Variants in SPTBN5 observed in about 807,000 individuals in gnomAD.
SPTBN5 encodes spectrin beta chain, non-erythrocytic 5.
A neutral mutation model predicts 477.6 loss-of-function variants in SPTBN5; 513 were observed. The observed-to-expected ratio is 1.07, with a 90% CI of 1.00 to 1.16. SPTBN5 has a LOEUF of 1.16. Among genes scored for constraint, SPTBN5 ranks in the 50% most tolerant of loss-of-function variants. The probability of loss-of-function intolerance (pLI) is 0.00; values close to 1 mark genes in which losing one functional copy is unlikely to be tolerated. For synonymous variants in SPTBN5, 2,169 were observed against 2,011.7 expected (o/e 1.08, Z -2.09); for missense variants, 5,062 against 4,731.8 (o/e 1.07, Z -2.05).
intron 41 of SPTBN5, 55 bp from the exon 42 acceptor site, chr15:41,862,958 C>T: frequency 6.7e-7 from 1 of 1,502,754 alleles, no homozygotes; most frequent in Non-Finnish European, 9.0e-7. Flanking sequence ...GCTCCTCCTT[C>T]CTGGCAAAGG....
rs886835041 is a variant in SPTBN5 at position 41,857,287 on chromosome 15, G to A, written c.8572C>T (p.His2858Tyr). The A allele has an allele frequency of 6.4e-7, 1 of 1,573,970 alleles. No homozygotes were observed. The highest frequency in any genetic ancestry group is 8.6e-7 in the Non-Finnish European group (1 of 1,160,186). Residue 2858 changes from histidine to tyrosine, a missense_variant, in exon 51 of 68, where the codon CAC becomes TAC. Transcript: ENST00000320955. ...TCTTCCACATCTTGGGCAAGGCAGT[G>A]GCCTTCCCTCACAAAGGCCTGGGCC... Reference protein sequence around the residue: ...GQAQAFVREGHCLAQDVEEQA... With the variant: ...GQAQAFVREGYCLAQDVEEQA...
intron 3 of SPTBN5, 135 bp downstream of exon 3, chr15:41,892,759 G>T: frequency 9.8e-7 from 1 of 1,020,680 alleles, no homozygotes; most frequent in Non-Finnish European, 1.4e-6. Flanking sequence ...CTGTGTCCCA[G>T]CCACTCCTCC....
At chr15:41,865,374 G>C (rs1173098380) in intron 39 of SPTBN5, among the ~76,000 whole-genome samples, 1 of 152,164 alleles carries the variant, frequency 6.6e-6, no homozygotes, top group East Asian at 1.9e-4. Flanking sequence ...AATTGCCAAA[G>C]TCCTGCAGAG....
At position 41,875,005 on chromosome 15, in the gene SPTBN5, T is replaced by C; in HGVS notation, c.4339A>G (p.Thr1447Ala). Residue 1447 changes from threonine (T) to alanine (A), a missense_variant, in exon 23 of 68, where the codon ACA (threonine) becomes GCA (alanine). Coordinates refer to ENST00000320955, the MANE Select transcript of SPTBN5 (RefSeq NM_016642.4). Reference sequence around the variant, plus strand: ...TGGCTGGAGCGCAGGTCCTGCCCTGTTTCCGAGCTCTGTAGGGCCCCTTCG... The same window carrying C: ...TGGCTGGAGCGCAGGTCCTGCCCTGCTTCCGAGCTCTGTAGGGCCCCTTCG... ...QLEGALQSSE[T>A]GQDLRSSQRL... The C allele has an allele frequency of 6.2e-7, 1 of 1,613,688 alleles. No individual in the cohort carries two copies.
At position 41,878,619 on chromosome 15, in the gene SPTBN5, G is replaced by A; in HGVS notation, c.3193C>T (p.Pro1065Ser). The A allele has an allele frequency of 6.2e-7, 1 of 1,610,238 alleles. No individual in the cohort carries two copies. The highest frequency in any genetic ancestry group is 8.5e-7 in the Non-Finnish European group (1 of 1,178,394). ...LQSVVVKVEE[P>S]GYAESQPLQG... ...AGAGGCTGGCTCTCTGCGTAGCCTG[G>A]CTCCTCGACCCTGGGAGACAGGGTG... Residue 1065 changes from proline to serine, a missense_variant, in exon 17 of 68, where the codon CCA becomes TCA. Physicochemically the swap from Pro to Ser is moderately conservative, Grantham distance 74. Transcript: ENST00000320955.
In SPTBN5 at chr15:41,851,060, T is replaced by A. The variant is rs779140053; in HGVS notation, c.10834A>T (p.Arg3612Trp). 1 of 1,611,734 alleles carries A rather than the reference T, an allele frequency of 6.2e-7. No individual in the cohort carries two copies. Among genetic ancestry groups the A allele is most frequent in the East Asian group, 2.2e-5 (1 of 44,848 alleles). Residue 3612 changes from arginine to tryptophan, a missense_variant and splice_region_variant, in exon 65 of 68, where the codon AGG (arginine) becomes TGG (tryptophan). By Grantham distance (101) the Arg-to-Trp change is moderately radical (BLOSUM62 -3). Transcript: ENST00000320955. ...RHGRKHTFSL[R>W]LTSGAEILFA... ...CGGAGTCCATGTCTCTCCGCTCACC[T>A]TAAGGAGAATGTGTGTTTCCTGCCG... is the stretch of plus-strand genomic sequence containing the variant.
intron 4 of SPTBN5, 69 bp from the exon 5 acceptor site, chr15:41,888,154 G>A: frequency 6.8e-7 from 1 of 1,469,288 alleles, no homozygotes. Flanking sequence ...TGCAGGCTGT[G>A]GGAGAGGCAG....
rs377285071 is a variant in SPTBN5, at chr15:41,850,902, A to C, written c.10873T>G (p.Ser3625Ala). 1.7e-5 allele frequency: 27 copies of C among 1,603,914 alleles called. No individual in the cohort carries two copies. In the African/African-American group the frequency reaches 3.6e-4, roughly 21 times the overall value. Residue 3625 changes from serine to alanine, a missense_variant, in exon 66 of 68, where the codon TCC becomes GCC. By Grantham distance (99) the Ser-to-Ala change is moderately conservative. Transcript: ENST00000320955. Reference sequence around the variant, plus strand: ...CACCAGCTCTCAGCCTGCTCTTCGGACGGTGCTGCAAACAGGATCTCTGCC... The same window carrying C: ...CACCAGCTCTCAGCCTGCTCTTCGGCCGGTGCTGCAAACAGGATCTCTGCC... ...SGAEILFAAP[S>A]EEQAESWWRA...
In SPTBN5 at chr15:41,878,721, G is replaced by A; in HGVS notation, c.3183-92C>T. On this transcript the variant is annotated intron_variant, in intron 16 of 67. Transcript: ENST00000320955. ...TCTCTCCAAACCTGCATCCCCCAGGGAGAGTGGTGCTGACTCTCAATGCCC... is the reference window on the plus strand; with the variant it reads ...TCTCTCCAAACCTGCATCCCCCAGGAAGAGTGGTGCTGACTCTCAATGCCC... The A allele has an allele frequency of 5.7e-6, 8 of 1,403,566 alleles. No individual in the cohort carries two copies. In the South Asian group the frequency reaches 1.1e-4, roughly 20 times the overall value. The allele number at this position is 1,403,566 out of a possible 1,614,324, so 86.9% of individuals were successfully genotyped here. A position where few individuals can be genotyped will look rare whatever the true frequency, so the allele number is the denominator to read the frequency against.
In SPTBN5 at chr15:41,852,314, C is replaced by T. The variant is rs1467554925; in HGVS notation, c.10452G>A (p.Met3484Ile). Residue 3484 changes from methionine to isoleucine, a missense_variant and splice_region_variant, in exon 62 of 68, where the codon ATG (methionine) becomes ATA (isoleucine). By Grantham distance (10) the Met-to-Ile change is conservative (BLOSUM62 1). Coordinates refer to ENST00000320955, the MANE Select transcript of SPTBN5 (RefSeq NM_016642.4). Reference protein sequence around the residue: ...EKFAQMQKTEMEQELLLQPQE... With the variant: ...EKFAQMQKTEIEQELLLQPQE... ...GTGGCTGCAGCAGGAGCTCCTGTTCCATCTTGGGGAGTGGGCAAGGTGGGC... is the reference window on the plus strand; with the variant it reads ...GTGGCTGCAGCAGGAGCTCCTGTTCTATCTTGGGGAGTGGGCAAGGTGGGC... 1.3e-6 allele frequency: 2 copies of T among 1,578,928 alleles called. No homozygotes were observed. The highest frequency in any genetic ancestry group is 3.6e-5 in the Admixed American group (2 of 55,178).
rs764337656 is a variant in SPTBN5 at position 41,850,968 on chromosome 15, C to T, written c.10836-29G>A. The T allele has an allele frequency of 1.7e-5, 27 of 1,593,240 alleles. No individual in the cohort carries two copies. The Middle Eastern group carries it at 6.6e-4, about 39-fold the overall frequency. ...GCACCCACAGTCACAGGTCAAACTC[C>T]ACTGTCCCTTTGGGGACCCCCACGC... On this transcript the variant is annotated intron_variant, in intron 65 of 67. Transcript: ENST00000320955.
intron 47 of SPTBN5, among the ~76,000 whole-genome samples, chr15:41,859,201 C>A (rs970549484): frequency 3.9e-5 from 6 of 152,170 alleles, no homozygotes; most frequent in Non-Finnish European, 8.8e-5. Context: ...CTCTGTCACC[C>A]AGGCTGGAGT....
Position 41,881,923 on chromosome 15 carries a change from TC to T in SPTBN5, c.2457+12del. On this transcript the variant is annotated intron_variant, in intron 12 of 67. Transcript: ENST00000320955. ...AAGGGAGACCAGGCGCCCTTCCCTGTCCCCGTCCTCACCGTGAATAACGACG... is the reference window on the plus strand; with the variant it reads ...AAGGGAGACCAGGCGCCCTTCCCTGTCCCGTCCTCACCGTGAATAACGACG... The T allele has an allele frequency of 1.3e-6, 2 of 1,523,984 alleles. No homozygotes were observed. Among genetic ancestry groups the T allele is most frequent in the East Asian group, 2.6e-5 (1 of 39,050 alleles). 94.4% of individuals were successfully genotyped at this position (1,523,984 alleles called of 1,614,324 possible).
rs1567209363 is a variant in SPTBN5, at chr15:41,871,493, G to GA, written c.5328dup (p.Gln1777SerfsTer178). On this transcript the variant is annotated frameshift_variant, in exon 29 of 68. Coordinates refer to ENST00000320955, the MANE Select transcript of SPTBN5 (RefSeq NM_016642.4). LOFTEE classifies it high-confidence loss of function. ...TGGCTGCCCATCTCCACTTGGTGCTGAAACTTTGCAAACTTGGTGCAGAGG... is the reference window on the plus strand; with the variant it reads ...TGGCTGCCCATCTCCACTTGGTGCTGAAAACTTTGCAAACTTGGTGCAGAGG... 5 of 1,520,120 alleles carry GA rather than the reference G, an allele frequency of 3.3e-6. No homozygotes were observed. Among genetic ancestry groups the GA allele is most frequent in the Non-Finnish European group, 4.4e-6 (5 of 1,133,610 alleles). The allele number at this position is 1,520,120 out of a possible 1,614,324, so 94.2% of individuals were successfully genotyped here.
Position 41,854,039 on chromosome 15 carries a change from G to T in SPTBN5, c.9774+11C>A. On this transcript the variant is annotated intron_variant, in intron 57 of 67. Coordinates refer to ENST00000320955, the MANE Select transcript of SPTBN5 (RefSeq NM_016642.4). Reference sequence around the variant, plus strand: ...GGCTCAGACAGGCAGGCTGCAGGGCGTGGGCCTCACCTCCAGGCGCCTGTG... The same window carrying T: ...GGCTCAGACAGGCAGGCTGCAGGGCTTGGGCCTCACCTCCAGGCGCCTGTG... 6.4e-7 allele frequency: 1 copy of T among 1,553,822 alleles called. No homozygotes were observed. Among genetic ancestry groups the T allele is most frequent in the Non-Finnish European group, 8.7e-7 (1 of 1,153,890 alleles).
chr15:41,868,566 G>T lies in SPTBN5; in HGVS notation c.5889C>A (p.Arg1963=). The T allele has an allele frequency of 6.2e-7, 1 of 1,601,984 alleles. No homozygotes were observed. The highest frequency in any genetic ancestry group is 8.5e-7 in the Non-Finnish European group (1 of 1,179,688). Residue 1963 remains arginine, a synonymous_variant, in exon 33 of 68, where the codon CGC becomes CGA. Coordinates refer to ENST00000320955, the MANE Select transcript of SPTBN5 (RefSeq NM_016642.4). ...AACTCTCCTCCACCTGCAGGTCCTG[G>T]CGCACGCGGGCTGCCCAGGAGGCAT... The part of the protein sequence containing the change: ...RDYASWAARV[R]QDLQVEESSQ...
intron 22 of SPTBN5, 56 bp from the exon 23 acceptor site, chr15:41,875,112 C>A: frequency 6.7e-7 from 1 of 1,494,582 alleles, no homozygotes; most frequent in Non-Finnish European, 9.1e-7. Context: ...CAGCAAGTGG[C>A]CTTCCCGGGC....
rs776274021 is a variant in SPTBN5, at chr15:41,855,212, G to C, written c.9423+12C>G. 48 of 1,604,058 alleles carry C rather than the reference G, an allele frequency of 3.0e-5. 1 individual carries two copies. The highest frequency in any genetic ancestry group is 4.1e-5 in the Non-Finnish European group (48 of 1,173,538). ...GCCCACTCCCCGTGAGGTTTGCTCA[G>C]GAGTAACTCACCTTGACACCCTCCA... On this transcript the variant is annotated intron_variant, in intron 55 of 67. Transcript: ENST00000320955.
At chr15:41,858,077 G>A (rs543955621) in intron 49 of SPTBN5, among the ~76,000 whole-genome samples, 15 of 152,214 alleles carry the variant, frequency 9.9e-5, no homozygotes, top group Middle Eastern at 3.4e-3. Context: ...CAGGTGGATC[G>A]CCTGAGCTCA....
Sources: allele counts gnomAD v4.1 joint callset (sites outside exome capture counted in the v4.1 genomes callset), GRCh38; gene constraint gnomAD v4.1.1; transcripts MANE v1.5; gene names NCBI Gene and HGNC (gene_info 2026-07-23, HGNC 2026-07-21).